The following LRMDA variants were observed in gnomAD, a reference collection of about 807,000 sequenced individuals.
The protein encoded by LRMDA is leucine rich melanocyte differentiation associated.
A neutral mutation model predicts 29.8 loss-of-function variants in LRMDA; 18 were observed. The observed-to-expected ratio is 0.60, with a 90% CI of 0.42 to 0.90. LRMDA has a LOEUF of 0.90. Among genes scored for constraint, LRMDA ranks in the 40% least tolerant of loss-of-function variants. The pLI is 0.00. For missense variants in LRMDA, 273 were observed against 273.9 expected, an observed-to-expected ratio of 1.00 and a Z score of 0.02; for synonymous variants, 125 against 109.4, an observed-to-expected ratio of 1.14 and a Z score of -0.89.
At chr10:76,429,295 A>C (rs1243636561) in intron 6 of LRMDA, among the ~76,000 whole-genome samples, 1 of 152,164 alleles carries the variant, frequency 6.6e-6, no homozygotes, top group Non-Finnish European at 1.5e-5. Context: ...ATCATGTACC[A>C]TTATAATTAG....
rs564098443 is a variant in LRMDA, at chr10:75,475,585, C to A, written c.131+37091C>A. Among the ~76,000 whole-genome samples the A allele has an allele frequency of 1.4e-4, 21 of 152,320 alleles. No homozygotes were observed. In the South Asian group the frequency reaches 4.1e-3, roughly 30 times the overall value. On this transcript the variant is annotated intron_variant, in intron 2 of 6. Transcript: ENST00000611255. ...TTGAAGCCCATTGTTTCAGGTAATTCATGGTTTGGTATCTAGGCTCCTTTG... is the reference window on the plus strand; with the variant it reads ...TTGAAGCCCATTGTTTCAGGTAATTAATGGTTTGGTATCTAGGCTCCTTTG...
intron 5 of LRMDA, among the ~76,000 whole-genome samples, chr10:76,237,269 C>G (rs1852169676): frequency 6.6e-6 from 1 of 152,148 alleles, no homozygotes; most frequent in South Asian, 2.1e-4. Flanking sequence ...TTATATATGT[C>G]AGATATTATA....
At chr10:76,541,195 T>G (rs748578823) in intron 6 of LRMDA, among the ~76,000 whole-genome samples, 3 of 152,162 alleles carry the variant, frequency 2.0e-5, no homozygotes, top group Non-Finnish European at 4.4e-5. Flanking sequence ...AGGCAACCTC[T>G]AGTGCCCTAA....
At chr10:75,813,977 TC>T (rs1308104819) in intron 2 of LRMDA, among the ~76,000 whole-genome samples, 2 of 152,244 alleles carry the variant, frequency 1.3e-5, no homozygotes, top group African/African-American at 4.8e-5. Flanking sequence ...AGCCAATAAA[TC>T]CATTTGTCAC....
At chr10:76,411,881 G>A (rs1362251756) in intron 6 of LRMDA, among the ~76,000 whole-genome samples, 1 of 152,232 alleles carries the variant, frequency 6.6e-6, no homozygotes, top group African/African-American at 2.4e-5. Context: ...GAAAGCAACA[G>A]CGGGGACAGT....
intron 2 of LRMDA, among the ~76,000 whole-genome samples, chr10:76,023,865 C>T (rs1371588004): frequency 6.6e-6 from 1 of 152,234 alleles, no homozygotes; most frequent in Admixed American, 6.5e-5. Flanking sequence ...AAAATATGCA[C>T]ATTTATTTTT....
At position 76,558,442 on chromosome 10, in the gene LRMDA, AG is replaced by A. The variant is rs1403451128; in HGVS notation, c.*1156del. On this transcript the variant is annotated 3_prime_UTR_variant, in exon 7 of 7. Coordinates refer to ENST00000611255, the MANE Select transcript of LRMDA (RefSeq NM_001305581.2). ...GCTGTGCACTAGCACTAATGTCACAAGGAACATAAGTGTGATCATTGCTAGT... is the reference window on the plus strand; with the variant it reads ...GCTGTGCACTAGCACTAATGTCACAAGAACATAAGTGTGATCATTGCTAGT... The A allele has an allele frequency of 2.0e-5, 3 of 152,344 alleles. No homozygotes were observed. Among genetic ancestry groups the A allele is most frequent in the Admixed American group, 2.0e-4 (3 of 15,306 alleles). The allele number at this position is 152,344 out of a possible 1,614,324, so 9.4% of individuals were successfully genotyped here. A position where few individuals can be genotyped will look rare whatever the true frequency, so the allele number is the denominator to read the frequency against.
intron 5 of LRMDA, among the ~76,000 whole-genome samples, chr10:76,169,044 A>G (rs943436607): frequency 1.3e-5 from 2 of 152,148 alleles, no homozygotes; most frequent in African/African-American, 4.8e-5. Flanking sequence ...TATTAAGGAA[A>G]CCATATTATG....
chr10:76,099,714 T>C (rs766812426), intron 5 of LRMDA, among the ~76,000 whole-genome samples: 1 of 152,222 alleles, frequency 6.6e-6, no homozygotes, highest in Admixed American at 6.5e-5. Flanking sequence ...TTGTATTCAT[T>C]ACTAGTTTAA....
chr10:76,185,003 G>C (rs1200321514), intron 5 of LRMDA, among the ~76,000 whole-genome samples: 2 of 152,188 alleles, frequency 1.3e-5, no homozygotes, highest in East Asian at 1.9e-4. Flanking sequence ...AGACTGGAGA[G>C]TAACCATTGT....
At chr10:76,181,832 C>T (rs1851055610) in intron 5 of LRMDA, among the ~76,000 whole-genome samples, 1 of 152,174 alleles carries the variant, frequency 6.6e-6, no homozygotes, top group African/African-American at 2.4e-5. Flanking sequence ...CACAGGGGTG[C>T]TTGTTGTCTA....
chr10:75,739,822 T>C (rs1407193416), intron 2 of LRMDA, among the ~76,000 whole-genome samples: 2 of 152,228 alleles, frequency 1.3e-5, no homozygotes, highest in African/African-American at 4.8e-5. Flanking sequence ...CTGTTGTGCC[T>C]TCTGTAGCAT....
At chr10:76,026,218 G>A (rs190256136) in intron 2 of LRMDA, among the ~76,000 whole-genome samples, 1 of 152,366 alleles carries the variant, frequency 6.6e-6, no homozygotes, top group African/African-American at 2.4e-5. Context: ...GGGTTACAAA[G>A]CTACACACAG....
intron 6 of LRMDA, among the ~76,000 whole-genome samples, chr10:76,375,724 T>A (rs1841508608): frequency 2.1e-4 from 1 of 4,844 alleles, no homozygotes; most frequent in South Asian, 2.4e-3. Context: ...CCATGCTGAA[T>A]TTTTTTTTTT....
At chr10:76,339,032 A>G (rs1359564490) in intron 6 of LRMDA, among the ~76,000 whole-genome samples, 1 of 152,220 alleles carries the variant, frequency 6.6e-6, no homozygotes, top group African/African-American at 2.4e-5. Context: ...TGAAGACTTT[A>G]GCACATCTCC....
At chr10:75,959,667 CAT>C (rs1168845207) in intron 2 of LRMDA, among the ~76,000 whole-genome samples, 1 of 152,114 alleles carries the variant, frequency 6.6e-6, no homozygotes, top group Non-Finnish European at 1.5e-5. Flanking sequence ...TTTATATACA[CAT>C]ATGTGTATGC....
intron 6 of LRMDA, among the ~76,000 whole-genome samples, chr10:76,347,831 C>T (rs998628588): frequency 2.0e-5 from 3 of 152,118 alleles, no homozygotes; most frequent in Admixed American, 6.5e-5. Context: ...ATACTAACAG[C>T]ATCTTATTGG....
At chr10:75,489,794 A>G (rs1844961525) in intron 2 of LRMDA, among the ~76,000 whole-genome samples, 1 of 152,158 alleles carries the variant, frequency 6.6e-6, no homozygotes, top group Admixed American at 6.6e-5. Context: ...AAAAACAAGG[A>G]TTGGACTTAA....
chr10:76,441,461 A>G (rs185168898), intron 6 of LRMDA, among the ~76,000 whole-genome samples: 350 of 152,346 alleles, frequency 2.3e-3, no homozygotes, highest in Non-Finnish European at 3.5e-3. Context: ...TCTAACCCAT[A>G]GGAATGTTGG....
Sources: allele counts gnomAD v4.1 joint callset (sites outside exome capture counted in the v4.1 genomes callset), GRCh38; gene constraint gnomAD v4.1.1; transcripts MANE v1.5; gene names NCBI Gene and HGNC (gene_info 2026-07-23, HGNC 2026-07-21).